Variants in ASIC1 observed in about 807,000 individuals in gnomAD.
ASIC1 encodes acid sensing ion channel subunit 1.
ASIC1 carries 21 observed loss-of-function variants against 63.4 expected under a neutral mutation model. That is an observed-to-expected ratio of 0.33 (90% CI 0.23 to 0.48). The LOEUF is 0.48. Ranked by LOEUF, ASIC1 falls within the 20% of genes least tolerant of loss-of-function variation. The pLI is 0.99. For missense variants in ASIC1, 478 were observed against 695.5 expected (o/e 0.69, Z 3.52); for synonymous variants, 258 against 278.2 (o/e 0.93, Z 0.72).
chr12:50,058,706 T>C (rs1242910169), intron 1 of ASIC1, 45 bp from the exon 2 acceptor site: 2 of 1,526,030 alleles, frequency 1.3e-6, no homozygotes, highest in African/African-American at 2.8e-5. Flanking sequence ...CCATGTGTAC[T>C]TTCATCCCAG....
chr12:50,068,180 ATGT>A (rs1950564041), intron 3 of ASIC1, among the ~76,000 whole-genome samples: 1 of 152,054 alleles, frequency 6.6e-6, no homozygotes, highest in African/African-American at 2.4e-5. Context: ...AGATTTAGCC[ATGT>A]TGTTGTGTGT....
At chr12:50,071,586 T>C (rs1271588060) in intron 3 of ASIC1, among the ~76,000 whole-genome samples, 1 of 152,082 alleles carries the variant, frequency 6.6e-6, no homozygotes, top group East Asian at 1.9e-4. Flanking sequence ...CTGGCTGCTT[T>C]CAGCTTTGTG....
chr12:50,063,696 G>C (rs1279449156), intron 3 of ASIC1, among the ~76,000 whole-genome samples: 2 of 152,204 alleles, frequency 1.3e-5, no homozygotes, highest in East Asian at 3.9e-4. Flanking sequence ...AGGGGCCCGG[G>C]CATCCCCTGG....
chr12:50,072,861 G>A (rs1403933245), intron 3 of ASIC1, among the ~76,000 whole-genome samples: 1 of 152,044 alleles, frequency 6.6e-6, no homozygotes, highest in Non-Finnish European at 1.5e-5. Flanking sequence ...TGGGTAGGAC[G>A]AGGGCTGGTA....
At chr12:50,064,471 T>G (rs1950528669) in intron 3 of ASIC1, among the ~76,000 whole-genome samples, 1 of 152,122 alleles carries the variant, frequency 6.6e-6, no homozygotes, top group African/African-American at 2.4e-5. Context: ...ACTCCATCCC[T>G]CTCTCAGACA....
At chr12:50,079,055 C>A in intron 7 of ASIC1, 75 bp downstream of exon 7, 1 of 1,452,970 alleles carries the variant, frequency 6.9e-7, no homozygotes, top group East Asian at 2.3e-5. Context: ...AGTTTCAGGT[C>A]ACGCTCCCAG....
intron 3 of ASIC1, chr12:50,073,763 C>CA (rs1398738638): frequency 1.3e-6 from 2 of 1,536,160 alleles, no homozygotes; most frequent in African/African-American, 2.7e-5. Flanking sequence ...GAGGGGCATT[C>CA]ACCCATGGAC....
At chr12:50,065,544 A>C (rs774749883) in intron 3 of ASIC1, among the ~76,000 whole-genome samples, 1 of 152,226 alleles carries the variant, frequency 6.6e-6, no homozygotes, top group Non-Finnish European at 1.5e-5. Context: ...CTACCTGGAC[A>C]CAGGAATTGG....
chr12:50,066,755 G>A (rs1950548922), intron 3 of ASIC1, among the ~76,000 whole-genome samples: 1 of 152,078 alleles, frequency 6.6e-6, no homozygotes. Flanking sequence ...ACCCTTCCTA[G>A]CTCCTCTCTC....
intron 3 of ASIC1, among the ~76,000 whole-genome samples, chr12:50,067,537 G>A (rs1374060666): frequency 6.6e-6 from 1 of 151,892 alleles, no homozygotes; most frequent in African/African-American, 2.4e-5. Context: ...AGCCTCCTGA[G>A]TAGCTGGATT....
At chr12:50,064,836 G>A (rs1256963831) in intron 3 of ASIC1, among the ~76,000 whole-genome samples, 3 of 152,184 alleles carry the variant, frequency 2.0e-5, no homozygotes, top group Non-Finnish European at 4.4e-5. Context: ...TGGGATTAGG[G>A]GAGCGTTAAG....
At chr12:50,067,410 G>T (rs369275177) in intron 3 of ASIC1, among the ~76,000 whole-genome samples, 6 of 134,200 alleles carry the variant, frequency 4.5e-5, no homozygotes, top group East Asian at 2.1e-4. Context: ...TTCTGCTGTT[G>T]TTTTTTTTTT....
intron 3 of ASIC1, 22 bp from the exon 4 acceptor site, chr12:50,077,191 C>G: frequency 6.2e-7 from 1 of 1,603,228 alleles, no homozygotes; most frequent in Non-Finnish European, 8.5e-7. Flanking sequence ...GACTCTTAGG[C>G]TCTCCACTCT....
chr12:50,072,405 C>A (rs1464826921), intron 3 of ASIC1, among the ~76,000 whole-genome samples: 1 of 152,306 alleles, frequency 6.6e-6, no homozygotes, highest in East Asian at 1.9e-4. Context: ...ACCAGTGGCC[C>A]TGAGTAATCA....
Position 50,078,907 on chromosome 12 carries a change from T to A in ASIC1, c.995-17T>A, listed in dbSNP as rs1352154173. On this transcript the variant is annotated splice_polypyrimidine_tract_variant and intron_variant, in intron 6 of 11. Transcript: ENST00000447966. This position sits in a 1 kb window ranked among gnomAD's most constrained non-coding sequence, Gnocchi z 6.0. ...CTTGAATTCCCATCCTGCATCATTG[T>A]CTTTTCTCCTCTGTAGGGGATGCCC... 1 of 1,613,036 alleles carries A rather than the reference T, an allele frequency of 6.2e-7. No individual in the cohort carries two copies. Among genetic ancestry groups the A allele is most frequent in the Non-Finnish European group, 8.5e-7 (1 of 1,179,022 alleles).
intron 3 of ASIC1, among the ~76,000 whole-genome samples, chr12:50,060,601 G>A (rs1392015527): frequency 6.6e-6 from 1 of 152,242 alleles, no homozygotes; most frequent in African/African-American, 2.4e-5. Context: ...CAGGATCTGA[G>A]GAAAGGAAGG....
At chr12:50,076,964 C>T (rs1950661068) in intron 3 of ASIC1, 2 of 648,982 alleles carry the variant, frequency 3.1e-6, no homozygotes, top group African/African-American at 3.6e-5. Context: ...TCAACCCCAA[C>T]TAGAAGCCCA....
intron 3 of ASIC1, among the ~76,000 whole-genome samples, chr12:50,073,104 T>C (rs2137832904): frequency 6.6e-6 from 1 of 152,112 alleles, no homozygotes; most frequent in African/African-American, 2.4e-5. Flanking sequence ...TGAGTGTGTG[T>C]TGTGTGTGTC....
At chr12:50,071,122 A>G (rs1950594884) in intron 3 of ASIC1, among the ~76,000 whole-genome samples, 1 of 152,120 alleles carries the variant, frequency 6.6e-6, no homozygotes, top group Non-Finnish European at 1.5e-5. Flanking sequence ...AGGAGGTAAC[A>G]TGTGAGTAGG....
Sources: allele counts gnomAD v4.1 joint callset (sites outside exome capture counted in the v4.1 genomes callset), GRCh38; gene constraint gnomAD v4.1.1; non-coding constraint Gnocchi (gnomAD v3.1); transcripts MANE v1.5; gene names NCBI Gene and HGNC (gene_info 2026-07-23, HGNC 2026-07-21).